CGNL1: variants seen among roughly 807,000 people sequenced by gnomAD.
CGNL1 encodes cingulin like 1, also known as cingulin-like protein 1.
A neutral mutation model predicts 141.2 loss-of-function variants in CGNL1; 132 were observed. That is an observed-to-expected ratio of 0.93 (90% CI 0.81 to 1.08). The LOEUF (loss-of-function observed/expected upper bound fraction) is 1.08, where lower values mean the gene tolerates loss of function less well. CGNL1 is among the 50% of genes least tolerant of loss of function. CGNL1 has a pLI of 0.00. For synonymous variants in CGNL1, 690 were observed against 622.1 expected (o/e 1.11, Z -1.63); for missense variants, 1,870 against 1,588.6 (o/e 1.18, Z -3.01).
At chr15:57,383,628 TTTC>T (rs1478613507) in intron 1 of CGNL1, among the ~76,000 whole-genome samples, 13 of 65,754 alleles carry the variant, frequency 2.0e-4, no homozygotes, top group African/African-American at 7.2e-4. Context: ...TTTCTTTTCT[TTTC>T]TTTTTTTTTT....
At chr15:57,397,765 CT>C (rs1432982438) in intron 1 of CGNL1, among the ~76,000 whole-genome samples, 1 of 148,930 alleles carries the variant, frequency 6.7e-6, no homozygotes, top group South Asian at 2.1e-4. Context: ...AGTGGAACAC[CT>C]TGTACCACTT....
intron 8 of CGNL1, among the ~76,000 whole-genome samples, chr15:57,498,378 G>C (rs2063974525): frequency 6.7e-6 from 1 of 149,982 alleles, no homozygotes; most frequent in Non-Finnish European, 1.5e-5. Context: ...GCCTCTCAAG[G>C]AGCTTTTGTA....
chr15:57,451,476 G>A (rs750722086), intron 4 of CGNL1, 24 bp from the exon 5 acceptor site: 2 of 1,498,508 alleles, frequency 1.3e-6, no homozygotes, highest in South Asian at 1.2e-5. Flanking sequence ...ATTTAAATTA[G>A]TATATCTTTG....
chr15:57,413,239 C>CTCCT (rs2062812689), intron 1 of CGNL1, among the ~76,000 whole-genome samples: 1 of 149,834 alleles, frequency 6.7e-6, no homozygotes, highest in African/African-American at 2.5e-5. Flanking sequence ...CCCTCCCTCC[C>CTCCT]TCCCTTCTTC....
rs11298152 is a variant in CGNL1 at position 57,481,064 on chromosome 15, G to GTTT, written c.2403+19192_2403+19194dup. 1.3e-3 allele frequency among the ~76,000 whole-genome samples: 155 copies of GTTT among 116,082 alleles called. 3 individuals carry two copies. The highest frequency in any genetic ancestry group is 4.3e-3 in the African/African-American group (136 of 31,964). The allele number at this position is 116,082 out of a possible 152,430, so 76.2% of individuals were successfully genotyped here. ...GCCAGTGATCCAGGAAAGACCTGGG[G>GTTT]TTTTTTTTTTTTTTTTTTTTTTAAA... On this transcript the variant is annotated intron_variant, in intron 8 of 18. Transcript: ENST00000281282.
At chr15:57,485,716 A>G (rs2063777088) in intron 8 of CGNL1, among the ~76,000 whole-genome samples, 1 of 152,256 alleles carries the variant, frequency 6.6e-6, no homozygotes, top group East Asian at 1.9e-4. Flanking sequence ...AATGCATAAG[A>G]GTATAGAGTA....
chr15:57,451,293 C>T (rs2063318726), intron 4 of CGNL1, among the ~76,000 whole-genome samples: 1 of 152,148 alleles, frequency 6.6e-6, no homozygotes, highest in Non-Finnish European at 1.5e-5. Context: ...GAATAAAGTT[C>T]ACTGGAGTCC....
chr15:57,455,015 TATATA>T (rs1222200594), intron 7 of CGNL1, among the ~76,000 whole-genome samples: 5 of 152,206 alleles, frequency 3.3e-5, no homozygotes, highest in Admixed American at 6.5e-5. Context: ...TACCCATGTA[TATATA>T]ATATAAGGAC....
chr15:57,414,970 T>G (rs1004320405), intron 1 of CGNL1, among the ~76,000 whole-genome samples: 1 of 152,158 alleles, frequency 6.6e-6, no homozygotes, highest in Non-Finnish European at 1.5e-5. Flanking sequence ...TAGTGGGTTG[T>G]GTGGTTTTGG....
rs1419287969 is a variant in CGNL1 at position 57,461,703 on chromosome 15, T to C, written c.2214T>C (p.Asp738=). 3 of 1,613,934 alleles carry C rather than the reference T, an allele frequency of 1.9e-6. No homozygotes were observed. Among genetic ancestry groups the C allele is most frequent in the Non-Finnish European group, 2.5e-6 (3 of 1,179,980 alleles). Residue 738 remains aspartate, a synonymous_variant, in exon 8 of 19, where the codon GAT becomes GAC. Transcript: ENST00000281282. ...AGGAGCTCTTACAGGCAAAACAGGATCTTCAAGATCTGCTGATTGCCAAAG... is the reference window on the plus strand; with the variant it reads ...AGGAGCTCTTACAGGCAAAACAGGACCTTCAAGATCTGCTGATTGCCAAAG... ...LIEELLQAKQ[D]LQDLLIAKEE...
chr15:57,538,646 ACTGTGG>A (rs1278179961), intron 14 of CGNL1, among the ~76,000 whole-genome samples: 1 of 152,168 alleles, frequency 6.6e-6, no homozygotes, highest in Non-Finnish European at 1.5e-5. Flanking sequence ...AGGGTGCAAG[ACTGTGG>A]CCAGTGGCTG....
intron 1 of CGNL1, among the ~76,000 whole-genome samples, chr15:57,400,654 G>T (rs368867415): frequency 3.3e-5 from 5 of 152,082 alleles, no homozygotes; most frequent in African/African-American, 9.6e-5. Flanking sequence ...AGGCCAAGGC[G>T]GGCGGATCAT....
chr15:57,394,219 A>G (rs6493927), intron 1 of CGNL1: 142,352 of 151,898 alleles, frequency 0.94, 66,956 homozygotes, highest in East Asian at 1. Flanking sequence ...GGCAACCTCC[A>G]CCTCCCGGGT....
At chr15:57,447,813 T>TG (rs1762900856) in intron 4 of CGNL1, among the ~76,000 whole-genome samples, 1 of 106,362 alleles carries the variant, frequency 9.4e-6, no homozygotes, top group Non-Finnish European at 1.7e-5. Context: ...TTCGTGTGTG[T>TG]GTGTGTGTGT....
chr15:57,415,453 A>G (rs2062838232), intron 1 of CGNL1, among the ~76,000 whole-genome samples: 1 of 152,232 alleles, frequency 6.6e-6, no homozygotes, highest in African/African-American at 2.4e-5. Flanking sequence ...GAAGGGACCA[A>G]GAGCTGAGAA....
intron 1 of CGNL1, among the ~76,000 whole-genome samples, chr15:57,413,221 T>TCCTCTCTTCCTCTCTTCCTC (rs750428591): frequency 7.3e-6 from 1 of 137,020 alleles, no homozygotes; most frequent in African/African-American, 2.8e-5. Context: ...CTTCCTCTCT[T>TCCTCTCTTCCTCTCTTCCTC]CCTCCCTCCC....
intron 7 of CGNL1, among the ~76,000 whole-genome samples, chr15:57,458,524 A>G (rs1472434030): frequency 2.0e-5 from 3 of 152,240 alleles, no homozygotes; most frequent in Non-Finnish European, 4.4e-5. Flanking sequence ...CAGCACACAA[A>G]AGGCAACACA....
chr15:57,385,787 G>C (rs1225223320), intron 1 of CGNL1, among the ~76,000 whole-genome samples: 3 of 152,230 alleles, frequency 2.0e-5, no homozygotes, highest in Admixed American at 6.5e-5. Flanking sequence ...ATTCTTGGTA[G>C]TTATGACTGG....
At position 57,531,747 on chromosome 15, in the gene CGNL1, C is replaced by T. The variant is rs1038442623; in HGVS notation, c.3259C>T (p.Leu1087=). ...LEEERNNSDL[L]SERISRSREQ... ...AGAAGAGAGAAACAACTCAGATTTG[C>T]TGTCTGAGAGGATCAGTAGGAGCAG... Residue 1087 remains leucine (L), a synonymous_variant, in exon 14 of 19, where the codon CTG becomes TTG. Coordinates refer to ENST00000281282, the MANE Select transcript of CGNL1 (RefSeq NM_032866.5). The T allele has an allele frequency of 1.9e-6, 3 of 1,611,440 alleles. No individual in the cohort carries two copies. The highest frequency in any genetic ancestry group is 1.7e-6 in the Non-Finnish European group (2 of 1,177,612).
Sources: gnomAD v4.1 joint callset for allele counts (sites outside exome capture counted in the v4.1 genomes callset) on GRCh38, gnomAD v4.1.1 for gene constraint, MANE v1.5 for transcripts, NCBI Gene and HGNC (gene_info 2026-07-23, HGNC 2026-07-21) for gene names.